Variants in PBX4 observed in about 807,000 individuals in gnomAD.
PBX4 encodes pre-B-cell leukemia transcription factor 4.
PBX4 carries 26 observed loss-of-function variants against 35.1 expected under a neutral mutation model. The ratio of observed to expected loss-of-function variants is 0.74; its 90% CI spans 0.54 to 1.03. PBX4 has a LOEUF of 1.03. Among genes scored for constraint, PBX4 ranks in the 50% least tolerant of loss-of-function variants. PBX4 has a pLI of 0.00. For missense variants in PBX4, 448 were observed against 504.3 expected, an observed-to-expected ratio of 0.89 and a Z score of 1.07; for synonymous variants, 199 against 204.2, an observed-to-expected ratio of 0.97 and a Z score of 0.22.
intron 1 of PBX4, among the ~76,000 whole-genome samples, chr19:19,604,377 G>C (rs906195510): frequency 5.9e-5 from 8 of 136,714 alleles, no homozygotes; most frequent in African/African-American, 2.2e-4. Flanking sequence ...TGAGGCACAA[G>C]AATTACATAA....
chr19:19,618,486 C>T, intron 1 of PBX4, 25 bp downstream of exon 1: 4 of 1,444,758 alleles, frequency 2.8e-6, no homozygotes, highest in Non-Finnish European at 3.7e-6. Context: ...CCCTGCGTGG[C>T]CCCTGCCGAG....
At chr19:19,593,389 G>A (rs897058589) in intron 2 of PBX4, among the ~76,000 whole-genome samples, 9 of 152,182 alleles carry the variant, frequency 5.9e-5, no homozygotes, top group Admixed American at 6.5e-5. Flanking sequence ...TGCAGGATCA[G>A]GACCATGAAC....
intron 2 of PBX4, among the ~76,000 whole-genome samples, 194 bp from the exon 3 acceptor site, chr19:19,571,027 C>T (rs991930088): frequency 6.6e-6 from 1 of 152,242 alleles, no homozygotes; most frequent in Admixed American, 6.5e-5. Flanking sequence ...CAAGTGCCAT[C>T]CTTAGAGCGC....
intron 5 of PBX4, among the ~76,000 whole-genome samples, chr19:19,567,110 G>C (rs1297846133): frequency 6.6e-6 from 1 of 152,170 alleles, no homozygotes; most frequent in Admixed American, 6.5e-5. Flanking sequence ...CCTACCCCGG[G>C]GGTGTGAGCA....
chr19:19,612,023 C>T (rs1401040064), intron 1 of PBX4, among the ~76,000 whole-genome samples: 1 of 151,752 alleles, frequency 6.6e-6, no homozygotes, highest in Non-Finnish European at 1.5e-5. Context: ...AATCCCTGCA[C>T]TTTGGGAGGC....
intron 5 of PBX4, among the ~76,000 whole-genome samples, chr19:19,567,458 C>A (rs1286679201): frequency 6.6e-6 from 1 of 152,196 alleles, no homozygotes; most frequent in African/African-American, 2.4e-5. Context: ...CTCAGCCCCT[C>A]CAACTGCAAA....
intron 4 of PBX4, 124 bp from the exon 5 acceptor site, chr19:19,569,708 G>C: frequency 7.7e-7 from 1 of 1,295,396 alleles, no homozygotes; most frequent in Non-Finnish European, 1.0e-6. Context: ...TCAGGAGTTC[G>C]AGACCAGCGT....
At chr19:19,603,682 C>T (rs947253624) in intron 1 of PBX4, among the ~76,000 whole-genome samples, 2 of 152,114 alleles carry the variant, frequency 1.3e-5, no homozygotes, top group Non-Finnish European at 1.5e-5. Context: ...AATGGCCAGG[C>T]GCAGTGGCTC....
At chr19:19,617,411 T>TG (rs1354561652) in intron 1 of PBX4, among the ~76,000 whole-genome samples, 2 of 152,292 alleles carry the variant, frequency 1.3e-5, no homozygotes, top group African/African-American at 2.4e-5. Flanking sequence ...CCTAAGTAGC[T>TG]GGGACTACAG....
At chr19:19,600,213 T>C (rs2061588707) in intron 1 of PBX4, among the ~76,000 whole-genome samples, 1 of 151,982 alleles carries the variant, frequency 6.6e-6, no homozygotes, top group Non-Finnish European at 1.5e-5. Context: ...TGCAAAAGTT[T>C]AAACAATGCA....
intron 3 of PBX4, 93 bp from the exon 4 acceptor site, chr19:19,570,392 C>G: frequency 2.0e-6 from 3 of 1,467,306 alleles, no homozygotes; most frequent in Non-Finnish European, 1.8e-6. Context: ...CCTGCCACCC[C>G]CTGTAGTTCA....
At chr19:19,578,187 CAAA>C (rs34045847) in intron 2 of PBX4, among the ~76,000 whole-genome samples, 7 of 80,450 alleles carry the variant, frequency 8.7e-5, no homozygotes, top group Admixed American at 3.8e-4. Flanking sequence ...GACTCCATCT[CAAA>C]AAAAAAAAAA....
intron 5 of PBX4, among the ~76,000 whole-genome samples, chr19:19,566,796 C>T (rs1178565933): frequency 3.3e-5 from 5 of 151,508 alleles, no homozygotes; most frequent in Middle Eastern, 3.4e-3. Flanking sequence ...CTGCAACCTC[C>T]GCCTCCCTGG....
chr19:19,572,069 GCTT>G (rs1490215516), intron 2 of PBX4, among the ~76,000 whole-genome samples: 5 of 118,106 alleles, frequency 4.2e-5, no homozygotes, highest in African/African-American at 1.3e-4. Context: ...TTAGAATCAG[GCTT>G]TTTTTTTTTT....
chr19:19,606,155 C>T (rs1334557500), intron 1 of PBX4, among the ~76,000 whole-genome samples: 1 of 152,136 alleles, frequency 6.6e-6, no homozygotes, highest in Non-Finnish European at 1.5e-5. Flanking sequence ...TCCTTGAGTT[C>T]AGGAAGTACC....
intron 1 of PBX4, among the ~76,000 whole-genome samples, chr19:19,608,997 T>C (rs1407532979): frequency 6.6e-6 from 1 of 152,150 alleles, no homozygotes; most frequent in East Asian, 1.9e-4. Context: ...GTTTATTGAG[T>C]AGATGACATT....
At position 19,577,513 on chromosome 19, in the gene PBX4, G is replaced by A. The variant is rs562554316; in HGVS notation, c.194-6680C>T. Among the ~76,000 whole-genome samples the A allele has an allele frequency of 1.6e-4, 25 of 152,300 alleles. 1 individual carries two copies. Among genetic ancestry groups the A allele is most frequent in the East Asian group, 1.4e-3 (7 of 5,182 alleles). On this transcript the variant is annotated intron_variant, in intron 2 of 7. Coordinates refer to ENST00000251203, the MANE Select transcript of PBX4 (RefSeq NM_025245.3). ...ACCCTCGGGCCCTGTGGTGTCACCT[G>A]TGTCTCTTGAGGGTGCCATTATGAG... is the stretch of plus-strand genomic sequence containing the variant.
intron 2 of PBX4, among the ~76,000 whole-genome samples, chr19:19,591,700 G>A (rs141858104): frequency 2.0e-5 from 3 of 152,286 alleles, no homozygotes; most frequent in Non-Finnish European, 4.4e-5. Context: ...TCTGAGATCC[G>A]AAGCTTTTCA....
intron 1 of PBX4, among the ~76,000 whole-genome samples, chr19:19,615,479 T>G (rs1288160673): frequency 6.6e-6 from 1 of 152,188 alleles, no homozygotes; most frequent in Non-Finnish European, 1.5e-5. Context: ...ACAAATTTAC[T>G]TTCTCTCCCC....
Sources: allele counts gnomAD v4.1 joint callset (sites outside exome capture counted in the v4.1 genomes callset), GRCh38; gene constraint gnomAD v4.1.1; transcripts MANE v1.5; gene names NCBI Gene and HGNC (gene_info 2026-07-23, HGNC 2026-07-21).